Variants in TNIP1 observed in about 807,000 individuals in gnomAD.
TNIP1 encodes TNFAIP3-interacting protein 1.
A neutral mutation model predicts 86.6 loss-of-function variants in TNIP1; 22 were observed. The observed-to-expected ratio is 0.25, with a 90% CI of 0.18 to 0.36. The LOEUF (loss-of-function observed/expected upper bound fraction) is 0.36, where lower values mean the gene tolerates loss of function less well. Ranked by LOEUF, TNIP1 falls within the 10% of genes least tolerant of loss-of-function variation. TNIP1 has a pLI of 1.00. For missense variants in TNIP1, 709 were observed against 820.6 expected (o/e 0.86, Z 1.66); for synonymous variants, 294 against 313.0 (o/e 0.94, Z 0.64).
At chr5:151,055,152 G>A (rs1274913289) in intron 6 of TNIP1, among the ~76,000 whole-genome samples, 1 of 151,970 alleles carries the variant, frequency 6.6e-6, no homozygotes, top group Non-Finnish European at 1.5e-5. Context: ...GAAGTGCCAC[G>A]AACTGGGACG....
chr5:151,039,338 A>G, intron 11 of TNIP1, 113 bp from the exon 12 acceptor site: 1 of 1,232,506 alleles, frequency 8.1e-7, no homozygotes, highest in Non-Finnish European at 1.1e-6. Context: ...TCACTTCACA[A>G]TGCTCACATG....
At chr5:151,034,142 GGAAGGCTGGTACATGGGCACA>G (rs1757328756) in intron 15 of TNIP1, among the ~76,000 whole-genome samples, 3 of 143,288 alleles carry the variant, frequency 2.1e-5, no homozygotes, top group African/African-American at 5.2e-5. Context: ...ACATGGGCAC[GGAAGGCTGGTACATGGGCACA>G]GAAGGCTAGT....
intron 1 of TNIP1, among the ~76,000 whole-genome samples, chr5:151,071,099 T>C (rs1031075588): frequency 1.3e-5 from 2 of 152,104 alleles, no homozygotes; most frequent in African/African-American, 4.8e-5. Context: ...CTAAAACTGC[T>C]CTATAAAAAA....
chr5:151,084,672 T>C (rs1354096019), upstream of TNIP1, among the ~76,000 whole-genome samples: 1 of 152,078 alleles, frequency 6.6e-6, no homozygotes, highest in Non-Finnish European at 1.5e-5. Context: ...ACATTCCTCA[T>C]TGCATTAGGA....
chr5:151,051,408 AC>A (rs1320566613), intron 7 of TNIP1, among the ~76,000 whole-genome samples: 4 of 152,144 alleles, frequency 2.6e-5, no homozygotes, highest in Admixed American at 2.6e-4. Flanking sequence ...ACTGTCCAGG[AC>A]CACAGTGCAG....
chr5:151,032,037 T>C (rs1756968790), intron 17 of TNIP1: 1 of 511,406 alleles, frequency 2.0e-6, no homozygotes, highest in Non-Finnish European at 3.5e-6. Flanking sequence ...GGACTGTATC[T>C]GCTTCTGTTC....
chr5:151,084,444 CAA>C (rs56889305), upstream of TNIP1, among the ~76,000 whole-genome samples: 14 of 132,418 alleles, frequency 1.1e-4, no homozygotes, highest in East Asian at 4.1e-4. Context: ...GACTTCGTCT[CAA>C]AAAAAAAAAA....
chr5:151,034,189 G>A (rs1369848495), intron 15 of TNIP1, among the ~76,000 whole-genome samples: 4 of 149,902 alleles, frequency 2.7e-5, no homozygotes, highest in African/African-American at 5.0e-5. Context: ...GGCATGGAAA[G>A]CTGGTACATG....
At chr5:151,069,621 G>A (rs1762610830) in intron 1 of TNIP1, among the ~76,000 whole-genome samples, 1 of 152,156 alleles carries the variant, frequency 6.6e-6, no homozygotes, top group Non-Finnish European at 1.5e-5. Context: ...CTCTGGTACA[G>A]GGAGGTGGAA....
rs779543371 is a variant in TNIP1, at chr5:151,049,801, A to C, written c.846+23T>G. ...GAGTACCTGCAACCAAGGATGCTAC[A>C]GAAGGAATTTCTGACCACATACCTG... On this transcript the variant is annotated intron_variant, in intron 8 of 17. Transcript: ENST00000521591. 13 of 1,613,890 alleles carry C rather than the reference A, an allele frequency of 8.1e-6. 1 individual carries two copies. In the South Asian group the frequency reaches 1.4e-4, roughly 18 times the overall value.
chr5:151,081,404 A>T (rs550310197), upstream of TNIP1, among the ~76,000 whole-genome samples: 12 of 152,120 alleles, frequency 7.9e-5, no homozygotes, highest in East Asian at 2.1e-3. Flanking sequence ...AGGCCAGAAC[A>T]GGGAGGGGAC....
chr5:151,077,996 C>A (rs1763581152), intron 1 of TNIP1, among the ~76,000 whole-genome samples: 1 of 152,140 alleles, frequency 6.6e-6, no homozygotes, highest in Non-Finnish European at 1.5e-5. Context: ...AGGGTCTGAC[C>A]TTGAAGTCAC....
intron 7 of TNIP1, among the ~76,000 whole-genome samples, chr5:151,050,840 G>C (rs1581799930): frequency 6.6e-6 from 1 of 151,952 alleles, no homozygotes; most frequent in South Asian, 2.1e-4. Flanking sequence ...AATTTTTTTG[G>C]TATTTTTTGT....
chr5:151,060,844 A>G (rs762600863), intron 4 of TNIP1, among the ~76,000 whole-genome samples: 7 of 152,284 alleles, frequency 4.6e-5, no homozygotes, highest in Non-Finnish European at 1.0e-4. Context: ...CTGCAGATCC[A>G]GCATTCCTGC....
intron 1 of TNIP1, among the ~76,000 whole-genome samples, chr5:151,077,334 C>T (rs769726638): frequency 6.6e-6 from 1 of 152,184 alleles, no homozygotes; most frequent in Non-Finnish European, 1.5e-5. Context: ...CACATTCAAA[C>T]CTTAGCAGCA....
intron 5 of TNIP1, among the ~76,000 whole-genome samples, chr5:151,059,824 A>AGTGTGTGTGT: frequency 2.5e-5 from 2 of 79,448 alleles, no homozygotes; most frequent in East Asian, 6.4e-4. Flanking sequence ...AGAGAGAGAG[A>AGTGTGTGTGT]GAGAGTGTGT....
chr5:151,042,715 A>G, intron 10 of TNIP1, 44 bp from the exon 11 acceptor site: 3 of 1,610,498 alleles, frequency 1.9e-6, no homozygotes, highest in Non-Finnish European at 2.5e-6. Context: ...AAGGATGTAG[A>G]GCACTTGCAG....
chr5:151,073,485 T>A (rs1049671958), intron 1 of TNIP1, among the ~76,000 whole-genome samples: 10 of 151,880 alleles, frequency 6.6e-5, no homozygotes, highest in Non-Finnish European at 1.3e-4. Context: ...AAGAATGGGG[T>A]AGATTGCTTG....
At chr5:151,059,828 A>AGAGAGAGT (rs1554076446) in intron 5 of TNIP1, among the ~76,000 whole-genome samples, 251 of 56,210 alleles carry the variant, frequency 4.5e-3, no homozygotes, top group African/African-American at 0.012. Context: ...AGAGAGAGAG[A>AGAGAGAGT]GTGTGTGTGT....
Sources: gnomAD v4.1 joint callset for allele counts (sites outside exome capture counted in the v4.1 genomes callset) on GRCh38, gnomAD v4.1.1 for gene constraint, MANE v1.5 for transcripts, NCBI Gene and HGNC (gene_info 2026-07-23, HGNC 2026-07-21) for gene names.